Variants in M1AP observed in about 807,000 individuals in gnomAD.
The protein encoded by M1AP is meiosis 1 associated protein.
M1AP carries 39 observed loss-of-function variants against 51.2 expected under a neutral mutation model. The observed-to-expected ratio is 0.76, with a 90% CI of 0.59 to 1.00. The LOEUF (loss-of-function observed/expected upper bound fraction) is 1.00, where lower values mean the gene tolerates loss of function less well. Among genes scored for constraint, M1AP ranks in the 50% least tolerant of loss-of-function variants. The pLI is 0.00. For missense variants in M1AP, 545 were observed against 641.2 expected (o/e 0.85, Z 1.62); for synonymous variants, 251 against 249.2 (o/e 1.01, Z -0.07).
intron 2 of M1AP, chr2:74,618,969 T>C (rs1573157016): frequency 1.9e-6 from 1 of 534,744 alleles, no homozygotes; most frequent in Admixed American, 1.9e-5. Context: ...TCTTCATCTA[T>C]AGCAGAACCA....
At chr2:74,619,042 T>G (rs1573157217) in intron 2 of M1AP, 1 of 484,332 alleles carries the variant, frequency 2.1e-6, no homozygotes, top group East Asian at 5.9e-5. Flanking sequence ...AGGAAAAAGG[T>G]AAAGTAATTG....
intron 3 of M1AP, among the ~76,000 whole-genome samples, chr2:74,614,742 G>A (rs1197050308): frequency 6.6e-6 from 1 of 152,156 alleles, no homozygotes. Flanking sequence ...ACTTCAGTCT[G>A]TATTTTTAGA....
intron 3 of M1AP, among the ~76,000 whole-genome samples, chr2:74,611,151 G>A (rs973653587): frequency 1.3e-5 from 2 of 152,094 alleles, no homozygotes; most frequent in Non-Finnish European, 2.9e-5. Context: ...TTATTGTTGT[G>A]CCCTTGTCCG....
intron 2 of M1AP, among the ~76,000 whole-genome samples, chr2:74,627,212 CAT>C (rs1234007214): frequency 6.6e-6 from 1 of 152,044 alleles, no homozygotes; most frequent in Non-Finnish European, 1.5e-5. Context: ...TATTTTAAGT[CAT>C]ATAAATCTTG....
intron 4 of M1AP, among the ~76,000 whole-genome samples, chr2:74,600,760 A>C (rs1680628327): frequency 6.6e-6 from 1 of 152,242 alleles, no homozygotes; most frequent in South Asian, 2.1e-4. Flanking sequence ...ACATGAAAAC[A>C]AAAAATTATA....
intron 7 of M1AP, among the ~76,000 whole-genome samples, chr2:74,566,437 G>A (rs1394402065): frequency 6.6e-6 from 1 of 152,166 alleles, no homozygotes; most frequent in Non-Finnish European, 1.5e-5. Context: ...CAGGTAGACA[G>A]AGGCAAAAGG....
At chr2:74,578,058 G>T (rs146002638) in intron 5 of M1AP, among the ~76,000 whole-genome samples, 1 of 152,206 alleles carries the variant, frequency 6.6e-6, no homozygotes, top group African/African-American at 2.4e-5. Flanking sequence ...GCTTCTATGA[G>T]AATCTAATGA....
At chr2:74,641,215 C>T (rs1683280268) in intron 1 of M1AP, among the ~76,000 whole-genome samples, 1 of 152,184 alleles carries the variant, frequency 6.6e-6, no homozygotes, top group Non-Finnish European at 1.5e-5. Flanking sequence ...TCAAGATTTT[C>T]ACGGAAACAA....
chr2:74,644,037 TC>T (rs1244667172), intron 1 of M1AP, among the ~76,000 whole-genome samples: 2 of 151,986 alleles, frequency 1.3e-5, no homozygotes, highest in East Asian at 3.8e-4. Flanking sequence ...ATTAGGACAA[TC>T]AAAAGAAAAC....
chr2:74,582,532 C>A (rs1343429701), intron 4 of M1AP, among the ~76,000 whole-genome samples: 1 of 151,994 alleles, frequency 6.6e-6, no homozygotes, highest in African/African-American at 2.4e-5. Flanking sequence ...ATAACATGAT[C>A]CCATTTATAT....
intron 3 of M1AP, among the ~76,000 whole-genome samples, chr2:74,608,271 A>G (rs966032293): frequency 6.6e-6 from 1 of 152,130 alleles, no homozygotes; most frequent in African/African-American, 2.4e-5. Context: ...CTTGGCAACC[A>G]TTGATCTTTT....
intron 4 of M1AP, among the ~76,000 whole-genome samples, chr2:74,588,450 G>C (rs1215962057): frequency 6.6e-6 from 1 of 152,244 alleles, no homozygotes; most frequent in Non-Finnish European, 1.5e-5. Flanking sequence ...ACCAGGGTAA[G>C]TAATCACAGC....
intron 2 of M1AP, among the ~76,000 whole-genome samples, chr2:74,621,390 G>A (rs958867590): frequency 7.9e-5 from 12 of 152,130 alleles, no homozygotes; most frequent in African/African-American, 2.9e-4. Context: ...TGTCAAATAT[G>A]GCAGCCACTG....
At chr2:74,639,610 A>C (rs144646617) in intron 2 of M1AP, among the ~76,000 whole-genome samples, 15 of 152,364 alleles carry the variant, frequency 9.8e-5, no homozygotes, top group Admixed American at 2.6e-4. Context: ...CTTTCTGAGC[A>C]AAGAAAACTG....
intron 5 of M1AP, among the ~76,000 whole-genome samples, chr2:74,579,788 T>C (rs1679295325): frequency 6.6e-6 from 1 of 152,058 alleles, no homozygotes; most frequent in African/African-American, 2.4e-5. Context: ...CTTTCTTTTT[T>C]TTAAAAAAAA....
intron 1 of M1AP, among the ~76,000 whole-genome samples, chr2:74,643,847 T>G (rs1573202966): frequency 6.6e-6 from 1 of 152,112 alleles, no homozygotes; most frequent in African/African-American, 2.4e-5. Context: ...CCTCCCACCT[T>G]GGCCTCCCAA....
At chr2:74,584,463 A>G (rs1573096442) in intron 4 of M1AP, among the ~76,000 whole-genome samples, 1 of 151,412 alleles carries the variant, frequency 6.6e-6, no homozygotes, top group Non-Finnish European at 1.5e-5. Context: ...AAAAAAAAAA[A>G]AAGAAAAAGA....
intron 4 of M1AP, among the ~76,000 whole-genome samples, chr2:74,604,507 G>A (rs1442590193): frequency 6.6e-6 from 1 of 152,170 alleles, no homozygotes; most frequent in Non-Finnish European, 1.5e-5. Flanking sequence ...TCACAATAGG[G>A]TTTGCTCTCC....
intron 4 of M1AP, among the ~76,000 whole-genome samples, chr2:74,593,707 T>A (rs1187556232): frequency 7.2e-5 from 11 of 152,182 alleles, no homozygotes; most frequent in Admixed American, 7.2e-4. Flanking sequence ...ATCAACTACC[T>A]GAAGGCTCTG....
Sources: allele counts gnomAD v4.1 joint callset (sites outside exome capture counted in the v4.1 genomes callset), GRCh38; gene constraint gnomAD v4.1.1; transcripts MANE v1.5; gene names NCBI Gene and HGNC (gene_info 2026-07-23, HGNC 2026-07-21).